The following MGAT5B variants were observed in gnomAD, a reference collection of about 807,000 sequenced individuals.
The protein encoded by MGAT5B is N-acetylglucosaminyl-transferase Vb.
Under a neutral mutation model 95.1 loss-of-function variants are expected in MGAT5B, and 54 were observed. The ratio of observed to expected loss-of-function variants is 0.57; its 90% confidence interval spans 0.46 to 0.71. MGAT5B has a LOEUF of 0.71. MGAT5B is among the 30% of genes least tolerant of loss of function. The probability of loss-of-function intolerance (pLI) is 0.00; values close to 1 mark genes in which losing one functional copy is unlikely to be tolerated. For synonymous variants in MGAT5B, 464 were observed against 451.0 expected (o/e 1.03, Z -0.36); for missense variants, 935 against 1,088.6 (o/e 0.86, Z 1.99).
chr17:76,882,705 C>CTTTTTTTTTT (rs763528809), intron 3 of MGAT5B, among the ~76,000 whole-genome samples: 1 of 70,176 alleles, frequency 1.4e-5, no homozygotes, highest in African/African-American at 7.7e-5. Context: ...TCCACTGCCC[C>CTTTTTTTTTT]TTTTTTTTTT....
At chr17:76,943,042 G>T (rs550537405) in intron 15 of MGAT5B, among the ~76,000 whole-genome samples, 1 of 135,194 alleles carries the variant, frequency 7.4e-6, no homozygotes, top group Admixed American at 7.1e-5. Context: ...TTGCCCCCCC[G>T]GGAGGCCCAG....
At chr17:76,872,279 A>G (rs1967037980) in intron 1 of MGAT5B, among the ~76,000 whole-genome samples, 1 of 152,124 alleles carries the variant, frequency 6.6e-6, no homozygotes, top group Non-Finnish European at 1.5e-5. Context: ...AAACAAGCTC[A>G]TGACTGCTGC....
In MGAT5B at chr17:76,949,075, A is replaced by C. The variant is rs3826289; in HGVS notation, c.*237A>C. On this transcript the variant is annotated 3_prime_UTR_variant, in exon 18 of 18. Coordinates refer to ENST00000569840, the MANE Select transcript of MGAT5B (RefSeq NM_001199172.2). The stretch of plus-strand genomic sequence containing the variant: ...CCGGTTCTCTCCTGGGGACTCACAG[A>C]AGCATCGTGGCCAAGCAGGTGTCGG... The C allele has an allele frequency of 0.85, 498,317 of 584,752 alleles. 213,387 individuals carry two copies. The highest frequency in any genetic ancestry group is 0.87 in the Non-Finnish European group (287,696 of 329,962). 36.2% of individuals were successfully genotyped at this position (584,752 alleles called of 1,614,324 possible). A position where few individuals can be genotyped will look rare whatever the true frequency, so the allele number is the denominator to read the frequency against.
chr17:76,948,959 C>T lies in MGAT5B; in HGVS notation c.*121C>T. ...TCGCAACCCCCCCAGGCCGGAGCTT[C>T]CTTCCTTAGCCGGGAAGCTGGCAGA... On this transcript the variant is annotated 3_prime_UTR_variant, in exon 18 of 18. Transcript: ENST00000569840. The T allele has an allele frequency of 8.7e-7, 1 of 1,147,570 alleles. No homozygotes were observed. Among genetic ancestry groups the T allele is most frequent in the South Asian group, 1.6e-5 (1 of 62,570 alleles). 71.1% of individuals were successfully genotyped at this position (1,147,570 alleles called of 1,614,324 possible).
rs529146598 is a variant in MGAT5B, at chr17:76,869,924, C to T, written c.68+827C>T. Among the ~76,000 whole-genome samples the T allele has an allele frequency of 3.4e-3, 518 of 152,194 alleles. 1 individual carries two copies. The highest frequency in any genetic ancestry group is 0.012 in the African/African-American group (494 of 41,546). ...AGCCCCCTCTCCTCCCAGGCATCCG[C>T]GGAACCGGCCCGCAGCGGGGTGGGG... On this transcript the variant is annotated intron_variant, in intron 1 of 17. Coordinates refer to ENST00000569840, the MANE Select transcript of MGAT5B (RefSeq NM_001199172.2). The surrounding 1 kb of genome is among the most constrained non-coding windows in gnomAD (Gnocchi z 7.0).
chr17:76,924,341 C>T (rs539721191), intron 8 of MGAT5B: 2 of 152,670 alleles, frequency 1.3e-5, no homozygotes, highest in Non-Finnish European at 2.9e-5. Context: ...GGGCACCACC[C>T]CTCCTCTGGC....
Position 76,930,902 on chromosome 17 carries a change from A to G in MGAT5B, c.1292-1743A>G, listed in dbSNP as rs889178489. 2.0e-5 allele frequency among the ~76,000 whole-genome samples: 3 copies of G among 151,924 alleles called. No homozygotes were observed. Among genetic ancestry groups the G allele is most frequent in the African/African-American group, 7.2e-5 (3 of 41,410 alleles). On this transcript the variant is annotated intron_variant, in intron 10 of 17. Coordinates refer to ENST00000569840, the MANE Select transcript of MGAT5B (RefSeq NM_001199172.2). This position sits in a 1 kb window ranked among gnomAD's most constrained non-coding sequence, Gnocchi z 4.1. ...TGAGTAGAATTTCCTCATCCGAGAC[A>G]AGGGAGGAGGGCAGTGCAGGCCGAG... is the stretch of plus-strand genomic sequence containing the variant.
chr17:76,907,723 A>T (rs1968583155), intron 8 of MGAT5B, among the ~76,000 whole-genome samples: 1 of 152,244 alleles, frequency 6.6e-6, no homozygotes, highest in African/African-American at 2.4e-5. Context: ...GTATAGACTT[A>T]GATGCAGAAT....
In MGAT5B at chr17:76,877,380, G is replaced by C. The variant is rs926918478; in HGVS notation, c.181+4417G>C. 1.3e-4 allele frequency among the ~76,000 whole-genome samples: 20 copies of C among 151,952 alleles called. No individual in the cohort carries two copies. The East Asian group carries it at 2.5e-3, about 19-fold the overall frequency. Reference sequence around the variant, plus strand: ...GTGGTAGGAGGCTATCTTTTGGGAGGGGTCTGTAGGCTGAAGGTCCATGGC... The same window carrying C: ...GTGGTAGGAGGCTATCTTTTGGGAGCGGTCTGTAGGCTGAAGGTCCATGGC... On this transcript the variant is annotated intron_variant, in intron 2 of 17. Coordinates refer to ENST00000569840, the MANE Select transcript of MGAT5B (RefSeq NM_001199172.2).
At chr17:76,925,224 TC>T in intron 9 of MGAT5B, 127 bp downstream of exon 9, 2 of 847,088 alleles carry the variant, frequency 2.4e-6, no homozygotes, top group East Asian at 2.9e-5. Flanking sequence ...CTGTCCTGCA[TC>T]CTGCCCTCCG....
chr17:76,935,841 C>T (rs1481160501), intron 12 of MGAT5B, among the ~76,000 whole-genome samples: 18 of 110,232 alleles, frequency 1.6e-4, no homozygotes, highest in African/African-American at 6.3e-4. Context: ...ATATTATATA[C>T]ATTATATATA....
intron 3 of MGAT5B, among the ~76,000 whole-genome samples, chr17:76,900,517 G>T (rs1487328524): frequency 6.6e-6 from 1 of 152,250 alleles, no homozygotes; most frequent in Non-Finnish European, 1.5e-5. Flanking sequence ...AGGGGAGAAG[G>T]CCGTGTGAAG....
chr17:76,905,015 G>A lies in MGAT5B; in HGVS notation c.691-154G>A, dbSNP rs751304236. Among the ~76,000 whole-genome samples, 5 of 152,194 alleles carry A rather than the reference G, an allele frequency of 3.3e-5. No homozygotes were observed. Among genetic ancestry groups the A allele is most frequent in the Non-Finnish European group, 5.9e-5 (4 of 68,038 alleles). On this transcript the variant is annotated intron_variant, in intron 6 of 17. Coordinates refer to ENST00000569840, the MANE Select transcript of MGAT5B (RefSeq NM_001199172.2). The surrounding 1 kb of genome is among the most constrained non-coding windows in gnomAD (Gnocchi z 4.2). ...GTTGACAGGGCGGGCAGGGCTCCCT[G>A]GTTTTGGGGGCTAATGAGCCCCTTA...
chr17:76,948,512 C>A, intron 17 of MGAT5B, 128 bp from the exon 18 acceptor site: 1 of 997,030 alleles, frequency 1.0e-6, no homozygotes, highest in Non-Finnish European at 1.5e-6. Flanking sequence ...TTTCCTTACC[C>A]AGGCTGGGAT....
intron 8 of MGAT5B, among the ~76,000 whole-genome samples, chr17:76,907,675 G>A (rs1968581909): frequency 6.6e-6 from 1 of 152,130 alleles, no homozygotes; most frequent in South Asian, 2.1e-4. Context: ...GGACATTCTT[G>A]GACATGTCAC....
chr17:76,868,812 G>T lies in MGAT5B; in HGVS notation c.-218G>T, dbSNP rs1004105743. 3.3e-6 allele frequency: 1 copy of T among 305,244 alleles called. No homozygotes were observed. 18.9% of individuals were successfully genotyped at this position (305,244 alleles called of 1,614,324 possible). Reference sequence around the variant, plus strand: ...GCGGGGAGGGCGGAGACGCAGAGACGGCCCGGCCGGGCGCCCTCGCCGCCC... The same window carrying T: ...GCGGGGAGGGCGGAGACGCAGAGACTGCCCGGCCGGGCGCCCTCGCCGCCC... On this transcript the variant is annotated 5_prime_UTR_variant, in exon 1 of 18. Transcript: ENST00000569840. This position sits in a 1 kb window ranked among gnomAD's most constrained non-coding sequence, Gnocchi z 6.3.
intron 3 of MGAT5B, among the ~76,000 whole-genome samples, chr17:76,897,694 T>A (rs1481634927): frequency 8.9e-6 from 1 of 112,276 alleles, no homozygotes; most frequent in Non-Finnish European, 1.6e-5. Flanking sequence ...TCTTTCTTTC[T>A]TTCTTTCTTT....
rs186570612 is a variant in MGAT5B, at chr17:76,943,101, G to A, written c.1848+2253G>A. Among the ~76,000 whole-genome samples, 8 of 152,264 alleles carry A rather than the reference G, an allele frequency of 5.3e-5. No homozygotes were observed. In the East Asian group the frequency reaches 9.7e-4, roughly 18 times the overall value. ...TGTGCATGAAGGTGCTGCGATAGTC[G>A]CGGGTATTTCTGGTGGGACACACAA... On this transcript the variant is annotated intron_variant, in intron 15 of 17. Transcript: ENST00000569840.
At chr17:76,924,846 T>C (rs1555597442) in intron 8 of MGAT5B, 120 bp from the exon 9 acceptor site, 5 of 1,280,782 alleles carry the variant, frequency 3.9e-6, no homozygotes, top group Non-Finnish European at 5.5e-6. Context: ...ACTTCCTTTC[T>C]GAGAGTCTGT....
Sources: gnomAD v4.1 joint callset for allele counts (sites outside exome capture counted in the v4.1 genomes callset) on GRCh38, gnomAD v4.1.1 for gene constraint, Gnocchi (gnomAD v3.1) non-coding constraint, MANE v1.5 for transcripts, NCBI Gene and HGNC (gene_info 2026-07-23, HGNC 2026-07-21) for gene names.